The following MKRN2OS variants were observed in gnomAD, a reference collection of about 807,000 sequenced individuals.
MKRN2OS encodes MKRN2 opposite strand.
MKRN2OS carries 17 observed loss-of-function variants against 18.2 expected under a neutral mutation model. The ratio of observed to expected loss-of-function variants is 0.93; its 90% CI spans 0.64 to 1.40. The LOEUF (loss-of-function observed/expected upper bound fraction) is 1.40, where lower values mean the gene tolerates loss of function less well. Ranked by LOEUF, MKRN2OS falls within the 40% of genes most tolerant of loss-of-function variation. The pLI is 0.00. For missense variants in MKRN2OS, 337 were observed against 283.0 expected (o/e 1.19, Z -1.37); for synonymous variants, 121 against 108.5 (o/e 1.12, Z -0.72).
chr3:12,545,641 G>A (rs369922754), upstream of MKRN2OS: 53 of 439,290 alleles, frequency 1.2e-4, no homozygotes, highest in African/African-American at 9.5e-4. Flanking sequence ...CCCATAGACT[G>A]TATCTTAAAG....
upstream of MKRN2OS, among the ~76,000 whole-genome samples, chr3:12,548,619 G>A (rs1223976849): frequency 6.6e-6 from 1 of 152,112 alleles, no homozygotes; most frequent in Non-Finnish European, 1.5e-5. Context: ...GCTCCAGAGC[G>A]AAACTCTGTC....
At chr3:12,548,460 A>G (rs1484324510), upstream of MKRN2OS, among the ~76,000 whole-genome samples, 9 of 42,624 alleles carry the variant, frequency 2.1e-4, no homozygotes, top group East Asian at 2.4e-3. Flanking sequence ...AAAAAAAAAA[A>G]AAAAAAAAAA....
chr3:12,543,511 C>T lies in MKRN2OS; in HGVS notation c.219-282G>A, dbSNP rs183872591. 2.0e-5 allele frequency among the ~76,000 whole-genome samples: 3 copies of T among 152,086 alleles called. No individual in the cohort carries two copies. In the East Asian group the frequency reaches 5.8e-4, roughly 29 times the overall value. On this transcript the variant is annotated intron_variant, in intron 1 of 3. Coordinates refer to ENST00000564146, the MANE Select transcript of MKRN2OS (RefSeq NM_001195279.2). ...TTGAGGCACAAGAATAGCTTGAACC[C>T]GGGAGGTGGAGATTGCAGTGAGCCA...
chr3:12,554,050 C>G (rs2057948149), exon 2 of MKRN2OS: 1 of 152,282 alleles, frequency 6.6e-6, no homozygotes, highest in Admixed American at 6.5e-5. Context: ...GGCAGCCACC[C>G]TTCTCTTCTG....
chr3:12,545,260 C>T lies in MKRN2OS; in HGVS notation c.205G>A (p.Gly69Arg). 6.5e-7 allele frequency: 1 copy of T among 1,534,494 alleles called. No individual in the cohort carries two copies. The change falls in exon 1 of 4, where the codon GGG (glycine) becomes AGG (arginine). Residue 69 changes from glycine (G) to arginine (R), a missense_variant. By Grantham distance (125) the Gly-to-Arg change is moderately radical. Coordinates refer to ENST00000564146, the MANE Select transcript of MKRN2OS (RefSeq NM_001195279.2). ...KCSFLLRPTQ[G>R]TFLREYDGRS... ...AAAACACTGTACCTAAGAAATGTCC[C>T]CTGAGTTGGTCTGAGGAGGAATGAA...
At position 12,545,269 on chromosome 3, in the gene MKRN2OS, G is replaced by A; in HGVS notation, c.196C>T (p.Pro66Ser). Residue 66 changes from proline (P) to serine (S), a missense_variant, in exon 1 of 4, where the codon CCA (proline) becomes TCA (serine). By Grantham distance (74) the Pro-to-Ser change is moderately conservative. Coordinates refer to ENST00000564146, the MANE Select transcript of MKRN2OS (RefSeq NM_001195279.2). ...TACCTAAGAAATGTCCCCTGAGTTG[G>A]TCTGAGGAGGAATGAACATTTTTCT... ...HQEKCSFLLR[P>S]TQGTFLREYD... 1 of 1,535,638 alleles carries A rather than the reference G, an allele frequency of 6.5e-7. No individual in the cohort carries two copies. Among genetic ancestry groups the A allele is most frequent in the Non-Finnish European group, 8.7e-7 (1 of 1,146,606 alleles).
intron 2 of MKRN2OS, 39 bp from the exon 3 acceptor site, chr3:12,542,061 AACAC>A: frequency 2.0e-6 from 3 of 1,513,094 alleles, no homozygotes; most frequent in Non-Finnish European, 2.7e-6. Context: ...GCCCCAAGGA[AACAC>A]ACACCTCTGT....
At chr3:12,553,915 G>T (rs1286099226) in exon 2 of MKRN2OS, 1 of 152,048 alleles carries the variant, frequency 6.6e-6, no homozygotes, top group Non-Finnish European at 1.5e-5. Flanking sequence ...AAATAGCATC[G>T]AAAACCGCTT....
intron 1 of MKRN2OS, chr3:12,556,956 C>T: frequency 2.1e-6 from 1 of 486,500 alleles, no homozygotes. Context: ...CGGCCCGATC[C>T]CCGGTGCGGA....
chr3:12,557,162 G>C (rs2057981874), intron 1 of MKRN2OS: 2 of 1,536,678 alleles, frequency 1.3e-6, no homozygotes, highest in Non-Finnish European at 1.7e-6. Flanking sequence ...TGAGCACCAA[G>C]CAGATCACTT....
intron 1 of MKRN2OS, among the ~76,000 whole-genome samples, chr3:12,556,325 T>C (rs1268273597): frequency 6.6e-6 from 1 of 151,784 alleles, no homozygotes; most frequent in Non-Finnish European, 1.5e-5. Context: ...CACTCCAGCC[T>C]GGGCAACAAG....
At chr3:12,547,459 G>A (rs1355089381), upstream of MKRN2OS, among the ~76,000 whole-genome samples, 1 of 152,164 alleles carries the variant, frequency 6.6e-6, no homozygotes, top group Non-Finnish European at 1.5e-5. Context: ...TGGGAGGACT[G>A]CTTGAGCCCA....
In MKRN2OS at chr3:12,540,237, G is replaced by C. The variant is rs1276539347; in HGVS notation, c.628C>G (p.Pro210Ala). 2.6e-6 allele frequency: 4 copies of C among 1,536,048 alleles called. No homozygotes were observed. The African/African-American group carries it at 5.5e-5, about 21-fold the overall frequency. The change falls in exon 4 of 4, where the codon CCC (proline) becomes GCC (alanine). Residue 210 changes from proline to alanine, a missense_variant. Pro to Ala is a conservative substitution (Grantham distance 27, BLOSUM62 -1). Transcript: ENST00000564146. ...REHGFYVTDC[P>A]QQQAQPPEGG... Reference sequence around the variant, plus strand: ...TCAGGGGGTTGTGCCTGCTGCTGGGGACAGTCAGTGACGTAGAAGCCATGC... The same window carrying C: ...TCAGGGGGTTGTGCCTGCTGCTGGGCACAGTCAGTGACGTAGAAGCCATGC...
intron 1 of MKRN2OS, among the ~76,000 whole-genome samples, chr3:12,544,716 T>A (rs2057862567): frequency 6.6e-6 from 1 of 152,166 alleles, no homozygotes; most frequent in Non-Finnish European, 1.5e-5. Flanking sequence ...TCTTTTGCTT[T>A]CTAATTCATC....
chr3:12,547,083 G>A (rs1384020451), upstream of MKRN2OS, among the ~76,000 whole-genome samples: 1 of 151,976 alleles, frequency 6.6e-6, no homozygotes, highest in Non-Finnish European at 1.5e-5. Context: ...GCTCTAGCCT[G>A]GGCGACAGAG....
chr3:12,547,315 A>G (rs899469506), upstream of MKRN2OS, among the ~76,000 whole-genome samples: 2 of 152,006 alleles, frequency 1.3e-5, no homozygotes, highest in African/African-American at 4.8e-5. Context: ...AGGCTGAGGC[A>G]GGTGGATCGC....
intron 3 of MKRN2OS, 82 bp downstream of exon 3, chr3:12,541,778 C>G: frequency 7.2e-7 from 1 of 1,392,396 alleles, no homozygotes; most frequent in Middle Eastern, 2.5e-4. Flanking sequence ...CTGCTGAGTC[C>G]TCTGTGAGCT....
At chr3:12,550,162 T>A (rs1036047113), upstream of MKRN2OS, among the ~76,000 whole-genome samples, 1 of 152,308 alleles carries the variant, frequency 6.6e-6, no homozygotes, top group South Asian at 2.1e-4. Flanking sequence ...GCAGCTTCAT[T>A]CATAATTGCT....
chr3:12,542,711 TAAAAAAAAAA>T (rs544900301), intron 2 of MKRN2OS, among the ~76,000 whole-genome samples: 1 of 109,072 alleles, frequency 9.2e-6, no homozygotes, highest in Non-Finnish European at 1.8e-5. Flanking sequence ...TCACTTTCCT[TAAAAAAAAAA>T]AAAAAAAAAA....
Sources: allele counts gnomAD v4.1 joint callset (sites outside exome capture counted in the v4.1 genomes callset), GRCh38; gene constraint gnomAD v4.1.1; transcripts MANE v1.5; gene names NCBI Gene and HGNC (gene_info 2026-07-23, HGNC 2026-07-21).